MTDH: variants seen among roughly 807,000 people sequenced by gnomAD.
MTDH encodes metadherin, also known as protein LYRIC.
Under a neutral mutation model 72.7 loss-of-function variants are expected in MTDH, and 34 were observed. That is an observed-to-expected ratio of 0.47 (90% CI 0.36 to 0.62). MTDH has a LOEUF of 0.62. Among genes scored for constraint, MTDH ranks in the 20% least tolerant of loss-of-function variants. The probability of loss-of-function intolerance (pLI) is 0.00; values close to 1 mark genes in which losing one functional copy is unlikely to be tolerated. For synonymous variants in MTDH, 266 were observed against 268.9 expected (o/e 0.99, Z 0.10); for missense variants, 677 against 699.4 (o/e 0.97, Z 0.36).
intron 2 of MTDH, among the ~76,000 whole-genome samples, chr8:97,677,473 A>G (rs1228233235): frequency 6.6e-6 from 1 of 150,512 alleles, no homozygotes; most frequent in East Asian, 1.9e-4. Context: ...CCTGGGCGAC[A>G]GAGCGAGACT....
chr8:97,691,141 A>G lies in MTDH; in HGVS notation c.1001A>G (p.Lys334Arg). The G allele has an allele frequency of 1.9e-6, 3 of 1,613,958 alleles. No individual in the cohort carries two copies. The highest frequency in any genetic ancestry group is 2.5e-6 in the Non-Finnish European group (3 of 1,179,876). Residue 334 changes from lysine (K) to arginine (R), a missense_variant, in exon 6 of 12, where the codon AAA (lysine) becomes AGA (arginine). Lys to Arg is a conservative substitution (Grantham distance 26). Transcript: ENST00000336273. ...QDTGDANTNG[K>R]DWGRSWSDRS... is the part of the protein sequence containing the mutation. ...ACTGGAGATGCTAATACAAATGGAA[A>G]AGACTGGGGAAGGAGTTGGAGTGAC...
intron 2 of MTDH, among the ~76,000 whole-genome samples, chr8:97,682,251 TATATATATATATATATATA>T (rs1813140772): frequency 1.7e-4 from 1 of 5,798 alleles, no homozygotes; most frequent in Non-Finnish European, 3.9e-4. Context: ...TATATATATA[TATATATATATATATATATA>T]TATATATATA....
In MTDH at chr8:97,724,545, C is replaced by A. The variant is rs1446819798; in HGVS notation, c.1679-55C>A. Reference sequence around the variant, plus strand: ...CTACTTTTATATTATTGAGACGTAACAGTATTTACCATCCTCCTAATTTTT... The same window carrying A: ...CTACTTTTATATTATTGAGACGTAAAAGTATTTACCATCCTCCTAATTTTT... On this transcript the variant is annotated intron_variant, in intron 11 of 11. Coordinates refer to ENST00000336273, the MANE Select transcript of MTDH (RefSeq NM_178812.4). The A allele has an allele frequency of 7.7e-6, 9 of 1,168,052 alleles. No homozygotes were observed. The East Asian group carries it at 1.7e-4, about 22-fold the overall frequency. 72.4% of individuals were successfully genotyped at this position (1,168,052 alleles called of 1,614,324 possible). A position where few individuals can be genotyped will look rare whatever the true frequency, so the allele number is the denominator to read the frequency against.
At chr8:97,699,381 G>C (rs1007501034) in intron 6 of MTDH, among the ~76,000 whole-genome samples, 13 of 151,850 alleles carry the variant, frequency 8.6e-5, no homozygotes, top group African/African-American at 3.1e-4. Context: ...AGGCTGCAGT[G>C]AGCCACGATC....
chr8:97,676,249 G>A (rs1812841368), intron 2 of MTDH, among the ~76,000 whole-genome samples: 1 of 152,012 alleles, frequency 6.6e-6, no homozygotes. Context: ...CACAGAAGGT[G>A]TTTTATTTTT....
chr8:97,690,002 T>C (rs927332772), intron 5 of MTDH, among the ~76,000 whole-genome samples: 1 of 150,528 alleles, frequency 6.6e-6, no homozygotes, highest in Non-Finnish European at 1.5e-5. Context: ...AGGCTTTTTT[T>C]TTTTTTTTTT....
At chr8:97,661,918 C>CAAAAAAAAA (rs11440340) in intron 2 of MTDH, among the ~76,000 whole-genome samples, 1 of 110,306 alleles carries the variant, frequency 9.1e-6, no homozygotes, top group African/African-American at 3.2e-5. Flanking sequence ...GACCCTGTCT[C>CAAAAAAAAA]AAAAAAAAAA....
At position 97,644,894 on chromosome 8, in the gene MTDH, A is replaced by G. The variant is rs1811504987; in HGVS notation, c.381+7A>G. On this transcript the variant is annotated splice_region_variant and intron_variant, in intron 1 of 11. Transcript: ENST00000336273. ...ACTGTCCGAGAAGCCCAAAGTGAGT[A>G]TGGGATGAGCGGCAGTAGAGAACGG... 15 of 1,538,160 alleles carry G rather than the reference A, an allele frequency of 9.8e-6. No individual in the cohort carries two copies. The highest frequency in any genetic ancestry group is 1.5e-5 in the African/African-American group (1 of 68,262).
chr8:97,660,985 TGTA>T, intron 1 of MTDH, 84 bp from the exon 2 acceptor site: 6 of 955,424 alleles, frequency 6.3e-6, no homozygotes, highest in Non-Finnish European at 9.5e-6. Flanking sequence ...AGGATTTGAT[TGTA>T]GTATATATGG....
At chr8:97,663,551 A>G (rs914588053) in intron 2 of MTDH, among the ~76,000 whole-genome samples, 18 of 152,036 alleles carry the variant, frequency 1.2e-4, no homozygotes, top group Admixed American at 3.3e-4. Context: ...GATCGAGACC[A>G]TCCTGGATAA....
At chr8:97,672,756 T>A (rs1025537519) in intron 2 of MTDH, among the ~76,000 whole-genome samples, 1 of 152,174 alleles carries the variant, frequency 6.6e-6, no homozygotes, top group African/African-American at 2.4e-5. Flanking sequence ...CATACTGAAA[T>A]TAATTTATTA....
At position 97,644,569 on chromosome 8, in the gene MTDH, G is replaced by A. The variant is rs1423169576; in HGVS notation, c.63G>A (p.Leu21=). ...AQQAEEGSAR[L]REMLSVGLGF... is the part of the protein sequence containing the mutation. The stretch of plus-strand genomic sequence containing the variant: ...AGGCCGAGGAGGGCTCGGCCCGGCT[G>A]CGGGAAATGCTCTCGGTCGGCCTAG... Residue 21 remains leucine (L), a synonymous_variant, in exon 1 of 12, where the codon CTG becomes CTA. Coordinates refer to ENST00000336273, the MANE Select transcript of MTDH (RefSeq NM_178812.4). 1 of 1,605,922 alleles carries A rather than the reference G, an allele frequency of 6.2e-7. No individual in the cohort carries two copies. Among genetic ancestry groups the A allele is most frequent in the Admixed American group, 1.7e-5 (1 of 59,732 alleles).
chr8:97,699,432 G>A (rs1814012194), intron 6 of MTDH, among the ~76,000 whole-genome samples: 1 of 149,008 alleles, frequency 6.7e-6, no homozygotes, highest in Non-Finnish European at 1.5e-5. Flanking sequence ...GTGAGATCCT[G>A]TCTCAAAAAA....
intron 2 of MTDH, among the ~76,000 whole-genome samples, chr8:97,674,577 C>G (rs1055513493): frequency 6.6e-6 from 1 of 152,172 alleles, no homozygotes; most frequent in Non-Finnish European, 1.5e-5. Context: ...AAAGTAGGAA[C>G]TTGCCATATT....
chr8:97,658,296 A>G (rs189285802), intron 1 of MTDH, among the ~76,000 whole-genome samples: 2 of 152,374 alleles, frequency 1.3e-5, no homozygotes, highest in Admixed American at 1.3e-4. Context: ...ATTGGCACAG[A>G]TAGGAGCGTA....
At chr8:97,682,234 A>T (rs1476492537) in intron 2 of MTDH, among the ~76,000 whole-genome samples, 1 of 1,066 alleles carries the variant, frequency 9.4e-4, no homozygotes, top group Non-Finnish European at 1.9e-3. Flanking sequence ...ATTACTTTAT[A>T]TATATATATA....
Position 97,644,465 on chromosome 8 carries a change from C to T in MTDH, c.-42C>T. 6.5e-7 allele frequency: 1 copy of T among 1,528,348 alleles called. No individual in the cohort carries two copies. The highest frequency in any genetic ancestry group is 8.7e-7 in the Non-Finnish European group (1 of 1,145,940). The allele number at this position is 1,528,348 out of a possible 1,614,324, so 94.7% of individuals were successfully genotyped here. On this transcript the variant is annotated 5_prime_UTR_variant, in exon 1 of 12. Transcript: ENST00000336273. ...CCTCGACTATTCCACTGCGTCTCCGCGCCCCGGCGTCATCCTGCGAGTCCC... is the reference window on the plus strand; with the variant it reads ...CCTCGACTATTCCACTGCGTCTCCGTGCCCCGGCGTCATCCTGCGAGTCCC...
chr8:97,659,605 GAA>G (rs1291876978), intron 1 of MTDH, among the ~76,000 whole-genome samples: 1 of 152,174 alleles, frequency 6.6e-6, no homozygotes, highest in East Asian at 1.9e-4. Flanking sequence ...TCATATTATA[GAA>G]ACTTGGAACA....
chr8:97,686,198 T>C (rs1813356387), intron 2 of MTDH, among the ~76,000 whole-genome samples: 1 of 152,254 alleles, frequency 6.6e-6, no homozygotes, highest in Admixed American at 6.5e-5. Context: ...TCTGAATATG[T>C]TGCAATAGGT....
Sources: allele counts gnomAD v4.1 joint callset (sites outside exome capture counted in the v4.1 genomes callset), GRCh38; gene constraint gnomAD v4.1.1; transcripts MANE v1.5; gene names NCBI Gene and HGNC (gene_info 2026-07-23, HGNC 2026-07-21).